The following NUDCD1 variants were observed in gnomAD, a reference collection of about 807,000 sequenced individuals.
NUDCD1 encodes NudC domain containing 1, also known as nudC domain-containing protein 1.
In NUDCD1, 60 loss-of-function variants were observed where a neutral mutation model predicts 67.8. That is an observed-to-expected ratio of 0.88 (90% confidence interval 0.72 to 1.10). The LOEUF (loss-of-function observed/expected upper bound fraction) is 1.10. Ranked by LOEUF, NUDCD1 falls within the 50% of genes least tolerant of loss-of-function variation. The pLI, the probability that NUDCD1 is intolerant of heterozygous loss-of-function variation, is 0.00. For synonymous variants in NUDCD1, 244 were observed against 230.8 expected (o/e 1.06, Z -0.52); for missense variants, 643 against 695.0 (o/e 0.93, Z 0.84).
chr8:109,304,763 G>A (rs915989549), intron 2 of NUDCD1, among the ~76,000 whole-genome samples: 2 of 152,078 alleles, frequency 1.3e-5, no homozygotes, highest in African/African-American at 2.4e-5. Flanking sequence ...AGATCCCATC[G>A]CTCAGGGTAA....
At chr8:109,309,191 C>A (rs990885019) in intron 2 of NUDCD1, among the ~76,000 whole-genome samples, 13 of 151,226 alleles carry the variant, frequency 8.6e-5, no homozygotes, top group Admixed American at 8.5e-4. Context: ...CCTTGATGAA[C>A]CTAGATGCTA....
At chr8:109,333,632 G>A (rs1165941768) in intron 1 of NUDCD1, among the ~76,000 whole-genome samples, 1 of 152,180 alleles carries the variant, frequency 6.6e-6, no homozygotes, top group Non-Finnish European at 1.5e-5. Flanking sequence ...CCGCACGCCA[G>A]CCCTCAGACC....
At chr8:109,311,182 A>G (rs1380369800) in intron 2 of NUDCD1, among the ~76,000 whole-genome samples, 3 of 152,170 alleles carry the variant, frequency 2.0e-5, no homozygotes, top group African/African-American at 7.2e-5. Flanking sequence ...CAACATCACT[A>G]ATGATCAGGG....
chr8:109,248,520 T>C (rs148588127), intron 8 of NUDCD1, among the ~76,000 whole-genome samples: 1 of 152,328 alleles, frequency 6.6e-6, no homozygotes, highest in African/African-American at 2.4e-5. Flanking sequence ...TTGGGAATTA[T>C]CTATTTTACA....
intron 1 of NUDCD1, among the ~76,000 whole-genome samples, chr8:109,326,445 T>C (rs1401815988): frequency 6.6e-6 from 1 of 152,160 alleles, no homozygotes; most frequent in East Asian, 1.9e-4. Flanking sequence ...TGACAGTTCT[T>C]AGCTACTGGC....
At chr8:109,312,521 C>A (rs1265640061) in intron 2 of NUDCD1, among the ~76,000 whole-genome samples, 2 of 152,068 alleles carry the variant, frequency 1.3e-5, no homozygotes, top group African/African-American at 2.4e-5. Context: ...GTTTTATATA[C>A]TGTTTGACAT....
intron 5 of NUDCD1, 146 bp from the exon 6 acceptor site, chr8:109,281,318 G>C: frequency 1.8e-6 from 1 of 541,802 alleles, no homozygotes; most frequent in South Asian, 3.3e-5. Context: ...AGATCTCTTT[G>C]AGGAATTTTC....
At position 109,271,068 on chromosome 8, in the gene NUDCD1, AAT is replaced by A; in HGVS notation, c.1234_1235del (p.Ile412PhefsTer3). ...CNAQELEECD[I>X]FFEESSSLCR... Reference sequence around the variant, plus strand: ...ATAAACTGGAGCTCTCTTCAAAGAAAATATCACATTCTTCTAACTCTTGAGCA... The same window carrying A: ...ATAAACTGGAGCTCTCTTCAAAGAAAATCACATTCTTCTAACTCTTGAGCA... On this transcript the variant is annotated frameshift_variant, in exon 8 of 10. Coordinates refer to ENST00000239690, the MANE Select transcript of NUDCD1 (RefSeq NM_032869.4). LOFTEE classifies it high-confidence loss of function. The A allele has an allele frequency of 6.3e-7, 1 of 1,595,230 alleles. No homozygotes were observed. The highest frequency in any genetic ancestry group is 8.6e-7 in the Non-Finnish European group (1 of 1,165,398).
At chr8:109,308,388 A>G (rs1011007045) in intron 2 of NUDCD1, among the ~76,000 whole-genome samples, 2 of 152,170 alleles carry the variant, frequency 1.3e-5, no homozygotes, top group Non-Finnish European at 2.9e-5. Flanking sequence ...AAAGAGCACA[A>G]ACAGACAATC....
At chr8:109,271,162 T>A in intron 7 of NUDCD1, 32 bp from the exon 8 acceptor site, 1 of 1,416,128 alleles carries the variant, frequency 7.1e-7, no homozygotes, top group Non-Finnish European at 9.7e-7. Flanking sequence ...AGTAAATAAG[T>A]AAAACAAATA....
chr8:109,293,063 A>G (rs1166148863), intron 4 of NUDCD1, among the ~76,000 whole-genome samples: 1 of 152,034 alleles, frequency 6.6e-6, no homozygotes, highest in African/African-American at 2.4e-5. Context: ...ATTTTTGTAT[A>G]TATTAAAAAT....
intron 7 of NUDCD1, 76 bp from the exon 8 acceptor site, chr8:109,271,206 T>G: frequency 9.6e-7 from 1 of 1,044,168 alleles, no homozygotes; most frequent in Non-Finnish European, 1.4e-6. Flanking sequence ...CTTTAAAAAT[T>G]TTAAGGTTAC....
intron 1 of NUDCD1, among the ~76,000 whole-genome samples, chr8:109,333,558 C>T (rs940800064): frequency 2.1e-4 from 32 of 152,174 alleles, no homozygotes; most frequent in Non-Finnish European, 2.1e-4. Flanking sequence ...AAGGAATGTT[C>T]TCAGCGTCCC....
chr8:109,277,221 C>T (rs796487301), intron 6 of NUDCD1, among the ~76,000 whole-genome samples: 24 of 152,238 alleles, frequency 1.6e-4, no homozygotes, highest in African/African-American at 5.3e-4. Flanking sequence ...AACAGTCTGG[C>T]TCTAAGTCCA....
chr8:109,316,529 A>C (rs1815400448), intron 2 of NUDCD1: 1 of 152,168 alleles, frequency 6.6e-6, no homozygotes, highest in African/African-American at 2.4e-5. Context: ...AAAAGAAAAC[A>C]AAAAAAATTA....
intron 8 of NUDCD1, among the ~76,000 whole-genome samples, chr8:109,258,473 T>C (rs1010125337): frequency 4.6e-5 from 7 of 152,002 alleles, no homozygotes; most frequent in Non-Finnish European, 1.0e-4. Flanking sequence ...TCTCATCTAG[T>C]GTGTGAGGGG....
chr8:109,243,770 T>A (rs901857284), intron 9 of NUDCD1, among the ~76,000 whole-genome samples: 4 of 152,180 alleles, frequency 2.6e-5, no homozygotes, highest in Admixed American at 6.6e-5. Context: ...GTTCATAATG[T>A]ATCCCTGAAT....
chr8:109,329,310 A>T (rs1226433798), intron 1 of NUDCD1, among the ~76,000 whole-genome samples: 1 of 152,130 alleles, frequency 6.6e-6, no homozygotes, highest in Non-Finnish European at 1.5e-5. Context: ...TGGAAGAAAT[A>T]ATAGCCAAAA....
intron 6 of NUDCD1, 92 bp from the exon 7 acceptor site, chr8:109,275,588 A>G: frequency 8.2e-7 from 1 of 1,222,634 alleles, no homozygotes; most frequent in Non-Finnish European, 1.1e-6. Flanking sequence ...TATCTTCTAT[A>G]GAAAGAACCC....
Sources: gnomAD v4.1 joint callset for allele counts (sites outside exome capture counted in the v4.1 genomes callset) on GRCh38, gnomAD v4.1.1 for gene constraint, MANE v1.5 for transcripts, NCBI Gene and HGNC (gene_info 2026-07-23, HGNC 2026-07-21) for gene names.